The following UBASH3B variants were observed in gnomAD, a reference collection of about 807,000 sequenced individuals.
The protein encoded by UBASH3B is ubiquitin-associated and SH3 domain-containing protein B.
A neutral mutation model predicts 83.4 loss-of-function variants in UBASH3B; 37 were observed. The observed-to-expected ratio is 0.44, with a 90% CI of 0.34 to 0.58. The LOEUF is 0.58. Among genes scored for constraint, UBASH3B ranks in the 20% least tolerant of loss-of-function variants. The probability of loss-of-function intolerance (pLI) is 0.01; values close to 1 mark genes in which losing one functional copy is unlikely to be tolerated. For synonymous variants in UBASH3B, 304 were observed against 318.3 expected (o/e 0.96, Z 0.48); for missense variants, 657 against 827.2 (o/e 0.79, Z 2.52).
chr11:122,725,112 G>A (rs112688548), intron 1 of UBASH3B, among the ~76,000 whole-genome samples: 14,808 of 126,798 alleles, frequency 0.12, 838 homozygotes, highest in Non-Finnish European at 0.13. Flanking sequence ...CAGGATTACA[G>A]GCACCCGTCA....
Position 122,796,086 on chromosome 11 carries a change from T to A in UBASH3B, c.1114-70T>A. ...CTTTGGTAGTAGAGCTCAGCTCACC[T>A]GGCACCTGGCTCCAAGACATGTCCA... On this transcript the variant is annotated intron_variant, in intron 7 of 13. Coordinates refer to ENST00000284273, the MANE Select transcript of UBASH3B (RefSeq NM_032873.5). 5 of 1,588,742 alleles carry A rather than the reference T, an allele frequency of 3.1e-6. No individual in the cohort carries two copies. The South Asian group carries it at 4.6e-5, about 15-fold the overall frequency.
At chr11:122,752,467 T>C (rs1222936025) in intron 1 of UBASH3B, among the ~76,000 whole-genome samples, 2 of 152,110 alleles carry the variant, frequency 1.3e-5, no homozygotes, top group Admixed American at 1.3e-4. Flanking sequence ...AAGGCATGGG[T>C]GGGACCTGGG....
chr11:122,813,762 C>G lies in UBASH3B; in HGVS notation c.*3876C>G, dbSNP rs1415315686. 6.6e-6 allele frequency: 1 copy of G among 152,166 alleles called. No homozygotes were observed. Among genetic ancestry groups the G allele is most frequent in the East Asian group, 1.9e-4 (1 of 5,202 alleles). The allele number at this position is 152,166 out of a possible 1,614,324, so 9.4% of individuals were successfully genotyped here. A position where few individuals can be genotyped will look rare whatever the true frequency, so the allele number is the denominator to read the frequency against. On this transcript the variant is annotated 3_prime_UTR_variant, in exon 14 of 14. Transcript: ENST00000284273. ...ATATTTTGTTAGGTGATAGCAGAAG[C>G]TTTTCATTTTTAAACATAGAATTAA...
intron 1 of UBASH3B, 133 bp from the exon 2 acceptor site, chr11:122,776,086 G>T: frequency 1.4e-6 from 1 of 699,892 alleles, no homozygotes; most frequent in Non-Finnish European, 2.4e-6. Flanking sequence ...ACCTGCTGCA[G>T]GTGTCTACTC....
intron 9 of UBASH3B, among the ~76,000 whole-genome samples, chr11:122,797,594 C>T (rs1353098514): frequency 6.6e-6 from 1 of 152,140 alleles, no homozygotes; most frequent in African/African-American, 2.4e-5. Context: ...AAATATCATA[C>T]AATATGATAT....
chr11:122,687,479 A>G (rs1290267666), intron 1 of UBASH3B, among the ~76,000 whole-genome samples: 1 of 152,090 alleles, frequency 6.6e-6, no homozygotes, highest in Non-Finnish European at 1.5e-5. Context: ...GAAGGGGAAA[A>G]CTTTAGAACT....
chr11:122,770,254 A>G (rs1302999306), intron 1 of UBASH3B, among the ~76,000 whole-genome samples: 1 of 152,224 alleles, frequency 6.6e-6, no homozygotes, highest in Admixed American at 6.5e-5. Flanking sequence ...TAATTGAATC[A>G]AAGTCTTACT....
At chr11:122,698,806 TGTG>T (rs1863995584) in intron 1 of UBASH3B, among the ~76,000 whole-genome samples, 1 of 152,148 alleles carries the variant, frequency 6.6e-6, no homozygotes, top group African/African-American at 2.4e-5. Flanking sequence ...AATCTGAAGT[TGTG>T]GTTATAAATG....
At chr11:122,803,629 G>A (rs534133706) in intron 11 of UBASH3B, among the ~76,000 whole-genome samples, 1 of 152,138 alleles carries the variant, frequency 6.6e-6, no homozygotes, top group Non-Finnish European at 1.5e-5. Context: ...AGCTGGGTGG[G>A]GCTTCAGAAC....
chr11:122,779,580 G>T lies in UBASH3B; in HGVS notation c.486G>T (p.Leu162=). Residue 162 remains leucine (L), a synonymous_variant, in exon 4 of 14, where the codon CTG becomes CTT. Transcript: ENST00000284273. ...GGAAATGTAAGTTCTCGGCCCCGCTGCCCCTGGAGCTCTATACGTCGTCCA... is the reference window on the plus strand; with the variant it reads ...GGAAATGTAAGTTCTCGGCCCCGCTTCCCCTGGAGCTCTATACGTCGTCCA... ...SRWKCKFSAP[L]PLELYTSSNF... 1 of 1,614,180 alleles carries T rather than the reference G, an allele frequency of 6.2e-7. No individual in the cohort carries two copies. The highest frequency in any genetic ancestry group is 1.3e-5 in the African/African-American group (1 of 75,044).
Position 122,758,745 on chromosome 11 carries a change from GACTTAA to G in UBASH3B, c.162-17472_162-17467del, listed in dbSNP as rs1263548144. Among the ~76,000 whole-genome samples, 1 of 152,138 alleles carries G rather than the reference GACTTAA, an allele frequency of 6.6e-6. No homozygotes were observed. Among genetic ancestry groups the G allele is most frequent in the Non-Finnish European group, 1.5e-5 (1 of 68,034 alleles). ...CAAGCTTTAACTCTCAGCCTAGAAG[GACTTAA>G]ATCAAGTTTTAACTGATGGCAGGAG... On this transcript the variant is annotated intron_variant, in intron 1 of 13. Transcript: ENST00000284273. This position sits in a 1 kb window ranked among gnomAD's most constrained non-coding sequence, Gnocchi z 4.2.
intron 1 of UBASH3B, among the ~76,000 whole-genome samples, chr11:122,666,117 G>A (rs1285383935): frequency 2.0e-5 from 3 of 152,228 alleles, no homozygotes; most frequent in Admixed American, 1.3e-4. Context: ...TGCACAGATG[G>A]CCAGAGGCAG....
At chr11:122,801,117 G>T (rs1193939309) in intron 10 of UBASH3B, 71 bp from the exon 11 acceptor site, 9 of 1,567,138 alleles carry the variant, frequency 5.7e-6, no homozygotes, top group Non-Finnish European at 5.2e-6. Flanking sequence ...TGATTTATCA[G>T]AATTTTTATA....
intron 7 of UBASH3B, 33 bp downstream of exon 7, chr11:122,794,867 T>A: frequency 1.2e-6 from 2 of 1,611,444 alleles, no homozygotes; most frequent in Non-Finnish European, 8.5e-7. Flanking sequence ...CACCCCCAAC[T>A]CTAACCAGGA....
rs1555137140 is a variant in UBASH3B, at chr11:122,699,531, C to CTCTTTCTTTCTTTCTCTTTCTT, written c.161+43336_161+43337insCTTTCTTTCTTTCTTTCTTTCT. On this transcript the variant is annotated intron_variant, in intron 1 of 13. Coordinates refer to ENST00000284273, the MANE Select transcript of UBASH3B (RefSeq NM_032873.5). The stretch of plus-strand genomic sequence containing the variant: ...TTTCTTTCTTTCTCTTTCTTTCTTT[C>CTCTTTCTTTCTTTCTCTTTCTT]TCTTTCTTTCTTTCTTTCTTTCTTT... Among the ~76,000 whole-genome samples the CTCTTTCTTTCTTTCTCTTTCTT allele has an allele frequency of 3.3e-3, 358 of 107,884 alleles. 2 individuals carry two copies. Among genetic ancestry groups the CTCTTTCTTTCTTTCTCTTTCTT allele is most frequent in the African/African-American group, 0.012 (338 of 28,400 alleles). 70.8% of individuals were successfully genotyped at this position (107,884 alleles called of 152,430 possible).
rs1861339317 is a variant in UBASH3B, at chr11:122,759,709, T to C, written c.162-16510T>C. Among the ~76,000 whole-genome samples, 1 of 152,214 alleles carries C rather than the reference T, an allele frequency of 6.6e-6. No individual in the cohort carries two copies. The highest frequency in any genetic ancestry group is 1.5e-5 in the Non-Finnish European group (1 of 68,028). On this transcript the variant is annotated intron_variant, in intron 1 of 13. Transcript: ENST00000284273. The surrounding 1 kb of genome is among the most constrained non-coding windows in gnomAD (Gnocchi z 4.1). ...CAGTTCACAGTAGGGTTTGTGCTCCTGTGAGAATCTAATGCTGCCACTGAT... is the reference window on the plus strand; with the variant it reads ...CAGTTCACAGTAGGGTTTGTGCTCCCGTGAGAATCTAATGCTGCCACTGAT...
chr11:122,761,743 A>AAATCACTC (rs1471586016), intron 1 of UBASH3B, among the ~76,000 whole-genome samples: 1 of 147,752 alleles, frequency 6.8e-6, no homozygotes, highest in Non-Finnish European at 1.5e-5. Flanking sequence ...CTGCAACCTG[A>AAATCACTC]AATCACTCTT....
intron 1 of UBASH3B, among the ~76,000 whole-genome samples, chr11:122,744,976 G>T (rs1861093741): frequency 6.6e-6 from 1 of 151,970 alleles, no homozygotes; most frequent in Admixed American, 6.5e-5. Context: ...GACTTTCCTT[G>T]CAGGGGACCA....
chr11:122,771,640 C>T (rs924501565), intron 1 of UBASH3B, among the ~76,000 whole-genome samples: 1 of 152,040 alleles, frequency 6.6e-6, no homozygotes, highest in Non-Finnish European at 1.5e-5. Flanking sequence ...ATAATTTTTA[C>T]ATAGAGCCTG....
Sources: gnomAD v4.1 joint callset for allele counts (sites outside exome capture counted in the v4.1 genomes callset) on GRCh38, gnomAD v4.1.1 for gene constraint, Gnocchi (gnomAD v3.1) non-coding constraint, MANE v1.5 for transcripts, NCBI Gene and HGNC (gene_info 2026-07-23, HGNC 2026-07-21) for gene names.